The following NEGR1 variants were observed in gnomAD, a reference collection of about 807,000 sequenced individuals.
NEGR1 encodes IgLON family member 4.
NEGR1 carries 10 observed loss-of-function variants against 40.9 expected under a neutral mutation model. The observed-to-expected ratio is 0.24, with a 90% CI of 0.15 to 0.42. The LOEUF is 0.42. Among genes scored for constraint, NEGR1 ranks in the 10% least tolerant of loss-of-function variants. The pLI is 1.00. For synonymous variants in NEGR1, 185 were observed against 166.8 expected (o/e 1.11, Z -0.84); for missense variants, 352 against 438.9 (o/e 0.80, Z 1.77).
intron 1 of NEGR1, among the ~76,000 whole-genome samples, chr1:72,213,673 C>A (rs1044472451): frequency 6.6e-6 from 1 of 151,798 alleles, no homozygotes; most frequent in Non-Finnish European, 1.5e-5. Context: ...AAGACTAAAC[C>A]AGGTAAAGTT....
At chr1:72,104,795 G>A (rs1438499351) in intron 1 of NEGR1, among the ~76,000 whole-genome samples, 1 of 151,920 alleles carries the variant, frequency 6.6e-6, no homozygotes, top group Non-Finnish European at 1.5e-5. Flanking sequence ...TCATTGCTTA[G>A]CACAATATTA....
intron 5 of NEGR1, among the ~76,000 whole-genome samples, chr1:71,607,255 G>C (rs1650100771): frequency 6.6e-6 from 1 of 152,160 alleles, no homozygotes; most frequent in African/African-American, 2.4e-5. Flanking sequence ...CCATTTTTCT[G>C]TGTCCTTGAC....
chr1:71,805,043 C>A (rs376563175), intron 2 of NEGR1, among the ~76,000 whole-genome samples: 1 of 152,150 alleles, frequency 6.6e-6, no homozygotes, highest in East Asian at 1.9e-4. Flanking sequence ...CTTTTACAGT[C>A]GCAGCTGTAG....
At chr1:72,112,745 T>C (rs1649424747) in intron 1 of NEGR1, among the ~76,000 whole-genome samples, 1 of 151,572 alleles carries the variant, frequency 6.6e-6, no homozygotes. Context: ...TCAACAATGT[T>C]TCTATTAAAA....
Position 71,765,971 on chromosome 1 carries a change from C to T in NEGR1, c.535+10201G>A, listed in dbSNP as rs12028455. Among the ~76,000 whole-genome samples the T allele has an allele frequency of 3.2e-4, 49 of 152,010 alleles. No individual in the cohort carries two copies. The East Asian group carries it at 4.9e-3, about 15-fold the overall frequency. On this transcript the variant is annotated intron_variant, in intron 3 of 6. Transcript: ENST00000357731. ...TGGGCAGATCATGAGGTCAGGAGTT[C>T]GAGACCAACCTGACCAACATGGTGA...
intron 1 of NEGR1, among the ~76,000 whole-genome samples, chr1:71,984,296 A>G (rs1646377208): frequency 8.5e-6 from 1 of 117,752 alleles, no homozygotes; most frequent in Non-Finnish European, 2.0e-5. Context: ...TTTTTTAATT[A>G]AAAAAATGAT....
intron 4 of NEGR1, among the ~76,000 whole-genome samples, chr1:71,675,556 G>A (rs77105670): frequency 6.6e-6 from 1 of 151,944 alleles, no homozygotes; most frequent in South Asian, 2.1e-4. Flanking sequence ...CAGACAGAGA[G>A]AGAGAGAGAC....
chr1:72,124,340 T>C (rs180799891), intron 1 of NEGR1, among the ~76,000 whole-genome samples: 10 of 151,986 alleles, frequency 6.6e-5, no homozygotes, highest in Admixed American at 5.2e-4. Flanking sequence ...TGGCCCTGCT[T>C]ACCCACAAAG....
intron 1 of NEGR1, among the ~76,000 whole-genome samples, chr1:72,150,077 T>G (rs1428388203): frequency 6.6e-6 from 1 of 152,092 alleles, no homozygotes; most frequent in African/African-American, 2.4e-5. Flanking sequence ...CCCTTCCTAA[T>G]TTGCCTAGTA....
At chr1:72,041,907 A>G (rs991091625) in intron 1 of NEGR1, among the ~76,000 whole-genome samples, 8 of 144,788 alleles carry the variant, frequency 5.5e-5, no homozygotes, top group Non-Finnish European at 1.1e-4. Flanking sequence ...TTGAGTTTCA[A>G]ATATATATTA....
intron 1 of NEGR1, among the ~76,000 whole-genome samples, chr1:72,143,182 T>G (rs1388833039): frequency 6.6e-6 from 1 of 151,978 alleles, no homozygotes; most frequent in Non-Finnish European, 1.5e-5. Context: ...TCTCTCCTGC[T>G]CCCATTCTAA....
intron 1 of NEGR1, among the ~76,000 whole-genome samples, chr1:72,005,124 A>G (rs1356943704): frequency 2.6e-5 from 4 of 152,166 alleles, no homozygotes; most frequent in African/African-American, 7.2e-5. Context: ...AGAAACATGC[A>G]TAAGTGAAGA....
intron 4 of NEGR1, among the ~76,000 whole-genome samples, chr1:71,627,664 T>G (rs986620876): frequency 2.0e-5 from 3 of 152,024 alleles, no homozygotes; most frequent in African/African-American, 7.2e-5. Flanking sequence ...AGAAAGACTC[T>G]TCATGTACAT....
chr1:71,856,571 G>C (rs1347529179), intron 2 of NEGR1, among the ~76,000 whole-genome samples: 3 of 151,982 alleles, frequency 2.0e-5, no homozygotes, highest in African/African-American at 2.4e-5. Flanking sequence ...AACAGCTCTT[G>C]GCATAGGTAG....
Position 72,033,207 on chromosome 1 carries a change from A to C in NEGR1, c.177-97896T>G, listed in dbSNP as rs78702131. Reference sequence around the variant, plus strand: ...TACTTAAGCAACTATAAAATCTTTTAATATATGTATAGGATATGCCTGGCA... The same window carrying C: ...TACTTAAGCAACTATAAAATCTTTTCATATATGTATAGGATATGCCTGGCA... On this transcript the variant is annotated intron_variant, in intron 1 of 6. Coordinates refer to ENST00000357731, the MANE Select transcript of NEGR1 (RefSeq NM_173808.3). Among the ~76,000 whole-genome samples the C allele has an allele frequency of 5.7e-3, 875 of 152,286 alleles. 7 individuals carry two copies. The highest frequency in any genetic ancestry group is 0.021 in the African/African-American group (856 of 41,576).
chr1:71,929,188 A>C (rs1330868207), intron 2 of NEGR1, among the ~76,000 whole-genome samples: 3 of 152,100 alleles, frequency 2.0e-5, no homozygotes, highest in African/African-American at 7.2e-5. Flanking sequence ...AACATGGACA[A>C]TTTTGGGACA....
intron 6 of NEGR1, among the ~76,000 whole-genome samples, chr1:71,578,014 C>G (rs573077505): frequency 1.3e-5 from 2 of 152,134 alleles, no homozygotes; most frequent in South Asian, 4.1e-4. Flanking sequence ...TCCTTATTCT[C>G]TAATTGAGCC....
At chr1:71,623,916 G>A (rs968430281) in intron 4 of NEGR1, among the ~76,000 whole-genome samples, 7 of 151,846 alleles carry the variant, frequency 4.6e-5, no homozygotes, top group African/African-American at 1.2e-4. Flanking sequence ...GAAAGGAAAA[G>A]TCTCACTGAC....
intron 2 of NEGR1, among the ~76,000 whole-genome samples, chr1:71,816,404 T>C (rs1195417684): frequency 1.3e-5 from 2 of 152,048 alleles, no homozygotes; most frequent in Admixed American, 6.6e-5. Context: ...AGGGGCTTAA[T>C]GGACTCACAG....
Sources: gnomAD v4.1 joint callset for allele counts (sites outside exome capture counted in the v4.1 genomes callset) on GRCh38, gnomAD v4.1.1 for gene constraint, MANE v1.5 for transcripts, NCBI Gene and HGNC (gene_info 2026-07-23, HGNC 2026-07-21) for gene names.